Variants in STK32B observed in about 807,000 individuals in gnomAD.
STK32B encodes serine/threonine-protein kinase 32B.
STK32B carries 43 observed loss-of-function variants against 52.6 expected under a neutral mutation model. The observed-to-expected ratio is 0.82, with a 90% CI of 0.64 to 1.05. The LOEUF is 1.05. STK32B is among the 50% of genes least tolerant of loss of function. The pLI is 0.00. For synonymous variants in STK32B, 238 were observed against 204.3 expected, an observed-to-expected ratio of 1.17 and a Z score of -1.41; for missense variants, 621 against 534.6, an observed-to-expected ratio of 1.16 and a Z score of -1.59.
At chr4:5,359,366 A>ACCATCCAT (rs1734394970) in intron 4 of STK32B, among the ~76,000 whole-genome samples, 1 of 148,176 alleles carries the variant, frequency 6.7e-6, no homozygotes, top group Non-Finnish European at 1.5e-5. Flanking sequence ...CACTCATCCA[A>ACCATCCAT]CCACTCATCC....
intron 3 of STK32B, among the ~76,000 whole-genome samples, chr4:5,290,608 T>A (rs1174180880): frequency 1.3e-5 from 2 of 151,424 alleles, no homozygotes; most frequent in African/African-American, 4.8e-5. Context: ...AATTACTTAA[T>A]TTTTTTTAAA....
chr4:5,020,402 T>C, the STK32B span, among the ~76,000 whole-genome samples: 43 of 152,358 alleles, frequency 2.8e-4, no homozygotes, highest in Admixed American at 2.4e-3. Flanking sequence ...ATAGCATGAC[T>C]GAGCAAGCCT....
At chr4:5,250,339 A>C (rs897345057) in intron 3 of STK32B, among the ~76,000 whole-genome samples, 3 of 142,970 alleles carry the variant, frequency 2.1e-5, no homozygotes, top group African/African-American at 8.0e-5. Flanking sequence ...TTGAGACAGA[A>C]TCTCGCTCTG....
chr4:5,404,064 G>T (rs1041767781), intron 5 of STK32B, among the ~76,000 whole-genome samples: 13 of 152,056 alleles, frequency 8.5e-5, no homozygotes, highest in Admixed American at 5.2e-4. Flanking sequence ...CCAGGGGAGG[G>T]TATTAAAGTC....
intron 4 of STK32B, among the ~76,000 whole-genome samples, chr4:5,352,951 C>T (rs1322539214): frequency 3.9e-5 from 6 of 151,988 alleles, no homozygotes; most frequent in South Asian, 2.1e-4. Context: ...AAATAGCCAA[C>T]GCAATCCTAA....
chr4:5,124,221 C>T (rs1013040409), intron 1 of STK32B, among the ~76,000 whole-genome samples: 2 of 152,132 alleles, frequency 1.3e-5, no homozygotes, highest in South Asian at 4.1e-4. Flanking sequence ...GAAAAAGTCC[C>T]GAAATCTCCG....
intron 1 of STK32B, among the ~76,000 whole-genome samples, chr4:5,114,057 G>A (rs1346877965): frequency 6.6e-6 from 1 of 151,996 alleles, no homozygotes; most frequent in Non-Finnish European, 1.5e-5. Context: ...TGTGGAAATT[G>A]TGAAGGATAC....
At chr4:5,321,387 T>C (rs1223158668) in intron 3 of STK32B, among the ~76,000 whole-genome samples, 1 of 152,226 alleles carries the variant, frequency 6.6e-6, no homozygotes, top group Non-Finnish European at 1.5e-5. Context: ...ATGCAAGTTA[T>C]AAATGTCTTT....
chr4:5,096,869 G>A (rs1713431606), intron 1 of STK32B, among the ~76,000 whole-genome samples: 1 of 152,184 alleles, frequency 6.6e-6, no homozygotes, highest in Admixed American at 6.5e-5. Flanking sequence ...ATTTTTAAAG[G>A]AGGAAAACAC....
At chr4:5,212,740 C>G (rs1722976968) in intron 3 of STK32B, among the ~76,000 whole-genome samples, 1 of 152,162 alleles carries the variant, frequency 6.6e-6, no homozygotes. Context: ...TATGTGCATT[C>G]AATTTGGACA....
chr4:5,277,781 G>C (rs987088165), intron 3 of STK32B, among the ~76,000 whole-genome samples: 1 of 152,050 alleles, frequency 6.6e-6, no homozygotes, highest in African/African-American at 2.4e-5. Context: ...TGGTTACATT[G>C]ACAGATACAG....
In STK32B at chr4:5,378,102, T is replaced by C. The variant is rs1735695956; in HGVS notation, c.435-20105T>C. Among the ~76,000 whole-genome samples, 1 of 152,230 alleles carries C rather than the reference T, an allele frequency of 6.6e-6. No individual in the cohort carries two copies. Among genetic ancestry groups the C allele is most frequent in the Admixed American group, 6.5e-5 (1 of 15,286 alleles). ...TAGTACCAAGTTGAGACATTCTTCCTGACATAATTAGGAAAATTAAAAAGA... is the reference window on the plus strand; with the variant it reads ...TAGTACCAAGTTGAGACATTCTTCCCGACATAATTAGGAAAATTAAAAAGA... On this transcript the variant is annotated intron_variant, in intron 4 of 11. Coordinates refer to ENST00000282908, the MANE Select transcript of STK32B (RefSeq NM_018401.3). This position sits in a 1 kb window ranked among gnomAD's most constrained non-coding sequence, Gnocchi z 4.4.
intron 1 of STK32B, among the ~76,000 whole-genome samples, chr4:5,084,132 G>A (rs543505040): frequency 1.3e-5 from 2 of 152,210 alleles, no homozygotes; most frequent in Non-Finnish European, 2.9e-5. Context: ...TTAAATCCTG[G>A]TAGTTTTCTT....
At chr4:5,367,710 A>T (rs1041959630) in intron 4 of STK32B, among the ~76,000 whole-genome samples, 2 of 152,198 alleles carry the variant, frequency 1.3e-5, no homozygotes, top group African/African-American at 4.8e-5. Context: ...CCACTGGTCT[A>T]TTTAAATAAA....
intron 4 of STK32B, among the ~76,000 whole-genome samples, chr4:5,363,017 G>T (rs1417072684): frequency 1.3e-5 from 2 of 152,174 alleles, no homozygotes; most frequent in African/African-American, 4.8e-5. Context: ...GGAGATCTCA[G>T]TGCTTTGCCC....
intron 3 of STK32B, among the ~76,000 whole-genome samples, chr4:5,259,210 A>G (rs943210895): frequency 3.3e-5 from 5 of 152,148 alleles, no homozygotes; most frequent in African/African-American, 1.2e-4. Context: ...ATTTATATTT[A>G]TGTTTACCTT....
At position 5,101,613 on chromosome 4, in the gene STK32B, A is replaced by C. The variant is rs766258125; in HGVS notation, c.53-38292A>C. Among the ~76,000 whole-genome samples the C allele has an allele frequency of 6.6e-4, 100 of 152,132 alleles. 1 individual carries two copies. The highest frequency in any genetic ancestry group is 9.6e-4 in the Non-Finnish European group (65 of 68,026). ...AAATTTTATCCCATCTTGTACCCCA[A>C]TTACAGGCTATAATGACTTAGGCTT... is the stretch of plus-strand genomic sequence containing the variant. On this transcript the variant is annotated intron_variant, in intron 1 of 11. Transcript: ENST00000282908.
Position 5,051,833 on chromosome 4 carries a change from G to C in STK32B, c.-31G>C. 6.3e-7 allele frequency: 1 copy of C among 1,582,646 alleles called. No homozygotes were observed. The highest frequency in any genetic ancestry group is 8.6e-7 in the Non-Finnish European group (1 of 1,165,202). ...TCCCGCATCCGGCATCCCAGCGGCC[G>C]GGCATGTAGCAGCGGCAGCAACGGC... is the stretch of plus-strand genomic sequence containing the variant. On this transcript the variant is annotated 5_prime_UTR_variant, in exon 1 of 12. Coordinates refer to ENST00000282908, the MANE Select transcript of STK32B (RefSeq NM_018401.3).
At position 5,141,750 on chromosome 4, in the gene STK32B, AG is replaced by A. The variant is rs531946896; in HGVS notation, c.108+1795del. Reference sequence around the variant, plus strand: ...ACCAAATCAAGTGGTCCATAGGTATAGGGGGTCTCTGCAGTAGCTCAGAGGC... The same window carrying A: ...ACCAAATCAAGTGGTCCATAGGTATAGGGGTCTCTGCAGTAGCTCAGAGGC... On this transcript the variant is annotated intron_variant, in intron 2 of 11. Coordinates refer to ENST00000282908, the MANE Select transcript of STK32B (RefSeq NM_018401.3). Among the ~76,000 whole-genome samples the A allele has an allele frequency of 4.6e-5, 7 of 152,256 alleles. 1 individual carries two copies. In the South Asian group the frequency reaches 6.2e-4, roughly 14 times the overall value.
Sources: gnomAD v4.1 joint callset for allele counts (sites outside exome capture counted in the v4.1 genomes callset) on GRCh38, gnomAD v4.1.1 for gene constraint, Gnocchi (gnomAD v3.1) non-coding constraint, MANE v1.5 for transcripts, NCBI Gene and HGNC (gene_info 2026-07-23, HGNC 2026-07-21) for gene names.